Variants in RGL1 observed in about 807,000 individuals in gnomAD.
RGL1 encodes ral guanine nucleotide dissociation stimulator like 1.
A neutral mutation model predicts 95.2 loss-of-function variants in RGL1; 24 were observed. The ratio of observed to expected loss-of-function variants is 0.25; its 90% CI spans 0.18 to 0.35. RGL1 has a LOEUF of 0.35. Ranked by LOEUF, RGL1 falls within the 10% of genes least tolerant of loss-of-function variation. The probability of loss-of-function intolerance (pLI) is 1.00; values close to 1 mark genes in which losing one functional copy is unlikely to be tolerated. For missense variants in RGL1, 715 were observed against 936.3 expected (o/e 0.76, Z 3.08); for synonymous variants, 329 against 344.9 (o/e 0.95, Z 0.51).
chr1:183,871,969 G>T (rs9425616), intron 4 of RGL1, among the ~76,000 whole-genome samples: 1 of 146,486 alleles, frequency 6.8e-6, no homozygotes, highest in Admixed American at 6.7e-5. Flanking sequence ...TCTGATGGTA[G>T]GGCTAGACTG....
At chr1:183,756,426 C>G (rs948155892) in intron 2 of RGL1, among the ~76,000 whole-genome samples, 1 of 152,078 alleles carries the variant, frequency 6.6e-6, no homozygotes, top group South Asian at 2.1e-4. Context: ...AGAGATGAAG[C>G]CAAGAGGAAA....
intron 1 of RGL1, among the ~76,000 whole-genome samples, chr1:183,692,345 AC>A (rs1653996441): frequency 6.6e-6 from 1 of 152,194 alleles, no homozygotes; most frequent in African/African-American, 2.4e-5. Flanking sequence ...TGCACAGGAG[AC>A]AGTGCAATCC....
chr1:183,763,420 A>G (rs1234688339), intron 2 of RGL1, among the ~76,000 whole-genome samples: 1 of 152,216 alleles, frequency 6.6e-6, no homozygotes, highest in African/African-American at 2.4e-5. Context: ...ACTAAGTGCT[A>G]TAAAGTGAAG....
chr1:183,769,767 A>T (rs536913380), intron 2 of RGL1, among the ~76,000 whole-genome samples: 4 of 152,352 alleles, frequency 2.6e-5, no homozygotes, highest in East Asian at 3.9e-4. Context: ...GGTCGTTTCC[A>T]TGGCAGTTTG....
chr1:183,922,438 T>C (rs1188403626), intron 17 of RGL1, 102 bp downstream of exon 17: 4 of 837,594 alleles, frequency 4.8e-6, no homozygotes, highest in Non-Finnish European at 7.9e-6. Context: ...ATACGTATTG[T>C]TTTATTGGGA....
At position 183,805,971 on chromosome 1, in the gene RGL1, C is replaced by CTTTTTTTTTTTTTTTTTTTT. The variant is rs751229707; in HGVS notation, c.28-383_28-364dup. 1.1e-3 allele frequency among the ~76,000 whole-genome samples: 84 copies of CTTTTTTTTTTTTTTTTTTTT among 74,634 alleles called. 2 individuals carry two copies. Among genetic ancestry groups the CTTTTTTTTTTTTTTTTTTTT allele is most frequent in the Non-Finnish European group, 1.6e-3 (64 of 39,098 alleles). The allele number at this position is 74,634 out of a possible 152,430, so 49.0% of individuals were successfully genotyped here. On this transcript the variant is annotated intron_variant, in intron 1 of 17. Transcript: ENST00000360851. ...TTTCTTTTTCTTTTTCTTTTCTTTT[C>CTTTTTTTTTTTTTTTTTTTT]TTTTTTTTTTTTTTTTTTTTTTTTT... is the stretch of plus-strand genomic sequence containing the variant.
intron 2 of RGL1, among the ~76,000 whole-genome samples, chr1:183,843,827 T>G (rs1218060371): frequency 6.6e-6 from 1 of 151,796 alleles, no homozygotes; most frequent in South Asian, 2.1e-4. Flanking sequence ...TCATGTTTTT[T>G]TTTGTTTGTT....
At chr1:183,804,575 C>T (rs1192389336), upstream of RGL1, among the ~76,000 whole-genome samples, 1 of 152,160 alleles carries the variant, frequency 6.6e-6, no homozygotes. Context: ...TTGTTCCCTT[C>T]CCACCCCCAA....
intron 3 of RGL1, among the ~76,000 whole-genome samples, chr1:183,863,195 T>C (rs1228981350): frequency 6.6e-6 from 1 of 152,050 alleles, no homozygotes; most frequent in Non-Finnish European, 1.5e-5. Flanking sequence ...GTAGGAGGCG[T>C]GGGAGGAGGT....
chr1:183,700,726 A>G (rs1340844038), intron 1 of RGL1, among the ~76,000 whole-genome samples: 1 of 151,984 alleles, frequency 6.6e-6, no homozygotes, highest in Non-Finnish European at 1.5e-5. Flanking sequence ...TTGTATTTTT[A>G]GAAGAGACGG....
chr1:183,874,767 A>T (rs558361467), intron 4 of RGL1, among the ~76,000 whole-genome samples: 5 of 152,344 alleles, frequency 3.3e-5, no homozygotes, highest in African/African-American at 9.6e-5. Flanking sequence ...GGAAAAAAAC[A>T]AAGAGGAAAG....
At chr1:183,878,213 T>G (rs577678397) in intron 4 of RGL1, among the ~76,000 whole-genome samples, 100 of 152,166 alleles carry the variant, frequency 6.6e-4, no homozygotes, top group African/African-American at 2.4e-3. Flanking sequence ...TCTTTTTTTT[T>G]GGAGATAGGG....
intron 2 of RGL1, among the ~76,000 whole-genome samples, chr1:183,812,025 A>T (rs1160965412): frequency 6.6e-6 from 1 of 152,112 alleles, no homozygotes; most frequent in Non-Finnish European, 1.5e-5. Context: ...TCACTGCCCA[A>T]TTCCACTCCC....
intron 17 of RGL1, 110 bp from the exon 18 acceptor site, chr1:183,925,995 T>A: frequency 1.1e-6 from 1 of 871,132 alleles, no homozygotes; most frequent in Non-Finnish European, 1.7e-6. Context: ...ATTCCAGAGA[T>A]GAAGGGCCGT....
At chr1:183,719,854 C>T (rs1251450641) in intron 1 of RGL1, among the ~76,000 whole-genome samples, 2 of 151,866 alleles carry the variant, frequency 1.3e-5, no homozygotes, top group African/African-American at 4.8e-5. Context: ...TGCAGTGAGC[C>T]GGGATTGTGC....
exon 2 of RGL1, chr1:183,742,256 T>C (rs1340610237): frequency 1.9e-6 from 3 of 1,613,884 alleles, no homozygotes; most frequent in Non-Finnish European, 8.5e-7. Flanking sequence ...TGGAAGATCA[T>C]GTTCGAATAT....
intron 1 of RGL1, among the ~76,000 whole-genome samples, chr1:183,722,295 C>T (rs1656056048): frequency 1.3e-5 from 2 of 149,426 alleles, no homozygotes; most frequent in African/African-American, 4.9e-5. Flanking sequence ...ATGAAGCTTA[C>T]ACACAGAGAT....
intron 2 of RGL1, among the ~76,000 whole-genome samples, chr1:183,785,837 C>T (rs1021043490): frequency 2.6e-5 from 4 of 152,184 alleles, no homozygotes; most frequent in Non-Finnish European, 5.9e-5. Context: ...GTAATCCTAA[C>T]ACTTTGGGAG....
intron 1 of RGL1, among the ~76,000 whole-genome samples, chr1:183,640,938 A>G (rs1330715313): frequency 6.6e-6 from 1 of 152,160 alleles, no homozygotes; most frequent in Admixed American, 6.5e-5. Context: ...TAAAATTATC[A>G]AATGCCTTTT....
Sources: allele counts gnomAD v4.1 joint callset (sites outside exome capture counted in the v4.1 genomes callset), GRCh38; gene constraint gnomAD v4.1.1; transcripts MANE v1.5; gene names NCBI Gene and HGNC (gene_info 2026-07-23, HGNC 2026-07-21).